Variants in SUGCT observed in about 807,000 individuals in gnomAD.
SUGCT encodes succinyl-CoA:glutarate CoA-transferase.
SUGCT carries 41 observed loss-of-function variants against 55.0 expected under a neutral mutation model. The observed-to-expected ratio is 0.74, with a 90% CI of 0.58 to 0.97. The LOEUF is 0.97. SUGCT is among the 50% of genes least tolerant of loss of function. The probability of loss-of-function intolerance (pLI) is 0.00; values close to 1 mark genes in which losing one functional copy is unlikely to be tolerated. For synonymous variants in SUGCT, 187 were observed against 200.4 expected (o/e 0.93, Z 0.56); for missense variants, 568 against 547.8 (o/e 1.04, Z -0.37).
intron 1 of SUGCT, among the ~76,000 whole-genome samples, chr7:40,137,171 A>C (rs1787743959): frequency 6.6e-6 from 1 of 152,098 alleles, no homozygotes; most frequent in Non-Finnish European, 1.5e-5. Flanking sequence ...TCTGTCACCG[A>C]GGCTGGAGTG....
chr7:40,423,640 T>C (rs577710529), intron 9 of SUGCT, among the ~76,000 whole-genome samples: 1 of 152,260 alleles, frequency 6.6e-6, no homozygotes, highest in South Asian at 2.1e-4. Flanking sequence ...AAAAGTAGCT[T>C]AAATGGAAAC....
chr7:40,240,030 T>A (rs1317323317), intron 7 of SUGCT, among the ~76,000 whole-genome samples: 1 of 152,060 alleles, frequency 6.6e-6, no homozygotes, highest in Non-Finnish European at 1.5e-5. Context: ...AAAACAAACA[T>A]TAGCAGAAAA....
At chr7:40,699,908 T>G (rs760250430) in intron 12 of SUGCT, among the ~76,000 whole-genome samples, 19 of 152,156 alleles carry the variant, frequency 1.2e-4, no homozygotes, top group Non-Finnish European at 2.8e-4. Context: ...TAAATGCCAT[T>G]AATTATTTCA....
chr7:40,488,678 A>G (rs1448967501), intron 11 of SUGCT, among the ~76,000 whole-genome samples: 1 of 152,044 alleles, frequency 6.6e-6, no homozygotes, highest in Non-Finnish European at 1.5e-5. Context: ...CTTAGCTTTT[A>G]TGTGTCTAGA....
chr7:40,346,681 A>C (rs1448395898), intron 9 of SUGCT, among the ~76,000 whole-genome samples: 1 of 152,204 alleles, frequency 6.6e-6, no homozygotes, highest in Non-Finnish European at 1.5e-5. Flanking sequence ...CCCAAAATTC[A>C]CATACTGTAG....
intron 12 of SUGCT, among the ~76,000 whole-genome samples, chr7:40,590,467 A>G (rs1326660709): frequency 1.3e-5 from 2 of 152,228 alleles, no homozygotes; most frequent in African/African-American, 2.4e-5. Context: ...GAAGTAAAGG[A>G]AAGAAGCCAT....
At chr7:40,434,785 GTGCTTGT>G (rs1455988365) in intron 9 of SUGCT, among the ~76,000 whole-genome samples, 2 of 152,140 alleles carry the variant, frequency 1.3e-5, no homozygotes, top group Non-Finnish European at 2.9e-5. Context: ...GTCCTGCCAG[GTGCTTGT>G]TGCCTGCTAC....
intron 13 of SUGCT, among the ~76,000 whole-genome samples, chr7:40,766,996 A>G (rs114660488): frequency 2.5e-3 from 377 of 152,314 alleles, no homozygotes; most frequent in African/African-American, 8.7e-3. Context: ...ATTGATGATG[A>G]TGATTACATA....
intron 13 of SUGCT, among the ~76,000 whole-genome samples, chr7:40,783,225 A>G (rs539446654): frequency 1.3e-5 from 2 of 152,270 alleles, no homozygotes; most frequent in South Asian, 4.2e-4. Context: ...GCCAGAGGAC[A>G]TCGGACTACT....
At chr7:40,251,173 A>C (rs1236790902) in intron 7 of SUGCT, among the ~76,000 whole-genome samples, 2 of 152,112 alleles carry the variant, frequency 1.3e-5, no homozygotes, top group East Asian at 1.9e-4. Context: ...TCCATCATGT[A>C]TTGATTTCAT....
chr7:40,309,187 G>T (rs1234500474), intron 8 of SUGCT, among the ~76,000 whole-genome samples: 2 of 152,148 alleles, frequency 1.3e-5, no homozygotes, highest in Non-Finnish European at 2.9e-5. Flanking sequence ...ATGTCTGAAT[G>T]TACCTTACCC....
intron 10 of SUGCT, among the ~76,000 whole-genome samples, chr7:40,453,180 A>G (rs972088203): frequency 4.6e-5 from 7 of 152,166 alleles, no homozygotes; most frequent in Non-Finnish European, 1.0e-4. Flanking sequence ...GACCCCAAGT[A>G]ATCCTGTATT....
chr7:40,531,617 T>C (rs1794092260), intron 12 of SUGCT, among the ~76,000 whole-genome samples: 1 of 138,538 alleles, frequency 7.2e-6, no homozygotes, highest in South Asian at 2.1e-4. Context: ...CAGCCATGTG[T>C]TTAAAGTTGT....
intron 6 of SUGCT, among the ~76,000 whole-genome samples, chr7:40,202,487 A>G (rs192850402): frequency 6.7e-4 from 102 of 152,080 alleles, no homozygotes; most frequent in African/African-American, 2.4e-3. Flanking sequence ...CTGCATGTCT[A>G]TGTGTTTCGG....
intron 8 of SUGCT, among the ~76,000 whole-genome samples, chr7:40,276,675 C>T (rs911547088): frequency 6.6e-6 from 1 of 152,060 alleles, no homozygotes; most frequent in Non-Finnish European, 1.5e-5. Flanking sequence ...GTGTGTATTT[C>T]CCTGGGAGTA....
At chr7:40,535,756 C>T (rs1283066091) in intron 12 of SUGCT, among the ~76,000 whole-genome samples, 1 of 152,150 alleles carries the variant, frequency 6.6e-6, no homozygotes, top group South Asian at 2.1e-4. Context: ...AGGCTGGCCT[C>T]GAACTCCTGA....
At chr7:40,973,529 A>G in the SUGCT span, among the ~76,000 whole-genome samples, 1 of 152,162 alleles carries the variant, frequency 6.6e-6, no homozygotes, top group African/African-American at 2.4e-5. Flanking sequence ...AGCAGTAGCT[A>G]ATACTGTTAA....
chr7:40,313,649 G>T (rs1044589287), intron 8 of SUGCT, among the ~76,000 whole-genome samples: 2 of 149,576 alleles, frequency 1.3e-5, no homozygotes, highest in African/African-American at 2.5e-5. Context: ...TTTTGTTTTT[G>T]TTTTTTTTGA....
rs1789638669 is a variant in SUGCT, at chr7:40,459,000, A to G, written c.889-101A>G. 4.3e-6 allele frequency: 3 copies of G among 702,896 alleles called. No homozygotes were observed. In the Admixed American group the frequency reaches 6.7e-5, roughly 16 times the overall value. 43.5% of individuals were successfully genotyped at this position (702,896 alleles called of 1,614,324 possible). On this transcript the variant is annotated intron_variant, in intron 10 of 13. Coordinates refer to ENST00000335693, the MANE Select transcript of SUGCT (RefSeq NM_001193313.2). ...TGAGGGGCATAAAGACCAGCAAGGA[A>G]TGTTCTTGAGAAGGGAGAGATAGGA...
Sources: gnomAD v4.1 joint callset for allele counts (sites outside exome capture counted in the v4.1 genomes callset) on GRCh38, gnomAD v4.1.1 for gene constraint, MANE v1.5 for transcripts, NCBI Gene and HGNC (gene_info 2026-07-23, HGNC 2026-07-21) for gene names.